Variants in MSH4 observed in about 807,000 individuals in gnomAD.
The protein encoded by MSH4 is mutS protein homolog 4.
MSH4 carries 106 observed loss-of-function variants against 113.7 expected under a neutral mutation model. The ratio of observed to expected loss-of-function variants is 0.93; its 90% confidence interval spans 0.80 to 1.10. MSH4 has a LOEUF of 1.10. Among genes scored for constraint, MSH4 ranks in the 50% least tolerant of loss-of-function variants. The pLI is 0.00. For missense variants in MSH4, 1,061 were observed against 1,093.7 expected, an observed-to-expected ratio of 0.97 and a Z score of 0.42; for synonymous variants, 368 against 380.2, an observed-to-expected ratio of 0.97 and a Z score of 0.37.
chr1:75,893,752 A>T (rs1652312843), intron 17 of MSH4, among the ~76,000 whole-genome samples: 1 of 152,144 alleles, frequency 6.6e-6, no homozygotes, highest in African/African-American at 2.4e-5. Flanking sequence ...CATGCATGGG[A>T]ATGTATTCTA....
rs149579183 is a variant in MSH4 at position 75,910,810 on chromosome 1, C to T, written c.2620-1886C>T. 6.5e-3 allele frequency among the ~76,000 whole-genome samples: 983 copies of T among 152,126 alleles called. 12 individuals carry two copies. The highest frequency in any genetic ancestry group is 0.022 in the African/African-American group (932 of 41,496). On this transcript the variant is annotated intron_variant, in intron 19 of 19. Transcript: ENST00000263187. ...CATCTTCTAAAAAAAACTCTTATCT[C>T]TTCACCTTTAAGTCTCCCAGTGACT...
At chr1:75,840,881 A>G (rs980521441) in intron 7 of MSH4, among the ~76,000 whole-genome samples, 10 of 152,178 alleles carry the variant, frequency 6.6e-5, no homozygotes, top group Non-Finnish European at 8.8e-5. Flanking sequence ...ACATGCAATA[A>G]CAATTGAGTA....
intron 8 of MSH4, among the ~76,000 whole-genome samples, chr1:75,858,602 C>T (rs1301705071): frequency 6.6e-6 from 1 of 152,176 alleles, no homozygotes; most frequent in Non-Finnish European, 1.5e-5. Flanking sequence ...AGACTCGCAT[C>T]CCAGGGATGA....
intron 8 of MSH4, among the ~76,000 whole-genome samples, chr1:75,858,052 AT>A (rs946027876): frequency 3.3e-5 from 5 of 152,128 alleles, no homozygotes; most frequent in Admixed American, 6.5e-5. Context: ...TTCACTCATG[AT>A]TTGGCTCTCT....
At chr1:75,858,436 T>C (rs1651373978) in intron 8 of MSH4, among the ~76,000 whole-genome samples, 1 of 152,222 alleles carries the variant, frequency 6.6e-6, no homozygotes, top group African/African-American at 2.4e-5. Context: ...TTGAGATACA[T>C]TCCATTGATA....
intron 13 of MSH4, among the ~76,000 whole-genome samples, chr1:75,880,359 T>G (rs952928013): frequency 6.6e-6 from 1 of 152,142 alleles, no homozygotes; most frequent in Non-Finnish European, 1.5e-5. Context: ...ACTTTTATAA[T>G]TGATATTTCT....
chr1:75,879,071 G>A lies in MSH4; in HGVS notation c.1620G>A (p.Gln540=), dbSNP rs146041457. ...SFSSARGFFI[Q]MTTDCIALPS... is the part of the protein sequence containing the mutation. ...GCTCTGCTCGAGGATTTTTCATCCAGATGACTACAGATTGTATAGCCCTAC... is the reference window on the plus strand; with the variant it reads ...GCTCTGCTCGAGGATTTTTCATCCAAATGACTACAGATTGTATAGCCCTAC... Residue 540 remains glutamine, a synonymous_variant, in exon 12 of 20, where the codon CAG becomes CAA. Transcript: ENST00000263187. 2 of 1,611,432 alleles carry A rather than the reference G, an allele frequency of 1.2e-6. No homozygotes were observed. The highest frequency in any genetic ancestry group is 1.7e-6 in the Non-Finnish European group (2 of 1,177,806).
chr1:75,847,639 C>T (rs1390974384), intron 7 of MSH4, among the ~76,000 whole-genome samples: 2 of 152,132 alleles, frequency 1.3e-5, no homozygotes, highest in African/African-American at 4.8e-5. Flanking sequence ...TCTACTCAGC[C>T]TCTGGTCAGG....
chr1:75,860,265 T>A (rs559560567), intron 8 of MSH4, among the ~76,000 whole-genome samples: 1 of 152,322 alleles, frequency 6.6e-6, no homozygotes, highest in East Asian at 1.9e-4. Context: ...CATTTACATT[T>A]AAGGTTAATA....
chr1:75,869,613 T>G (rs1651667590), intron 9 of MSH4, among the ~76,000 whole-genome samples: 1 of 152,162 alleles, frequency 6.6e-6, no homozygotes, highest in Non-Finnish European at 1.5e-5. Context: ...TGGCTAAAAG[T>G]GGCCAACACA....
intron 8 of MSH4, among the ~76,000 whole-genome samples, chr1:75,850,803 G>T (rs182058391): frequency 2.6e-4 from 39 of 152,126 alleles, no homozygotes; most frequent in African/African-American, 9.4e-4. Flanking sequence ...TGTAATTGTG[G>T]ATTTGTCTAT....
chr1:75,797,831 A>G (rs1649852452), intron 1 of MSH4, among the ~76,000 whole-genome samples: 1 of 152,136 alleles, frequency 6.6e-6, no homozygotes, highest in Non-Finnish European at 1.5e-5. Flanking sequence ...CTGTGGTCCC[A>G]GCTACTCAGG....
At chr1:75,831,019 A>T (rs1399056544) in intron 7 of MSH4, among the ~76,000 whole-genome samples, 1 of 152,232 alleles carries the variant, frequency 6.6e-6, no homozygotes, top group Non-Finnish European at 1.5e-5. Flanking sequence ...GTCAAGACCC[A>T]TCAATGTGCT....
At chr1:75,844,437 C>T (rs992892838) in intron 7 of MSH4, among the ~76,000 whole-genome samples, 1 of 152,132 alleles carries the variant, frequency 6.6e-6, no homozygotes, top group Non-Finnish European at 1.5e-5. Flanking sequence ...AGCCATCCTC[C>T]CACCTCAGCC....
intron 19 of MSH4, among the ~76,000 whole-genome samples, chr1:75,907,350 G>A (rs1196826772): frequency 1.3e-5 from 2 of 151,834 alleles, no homozygotes; most frequent in Non-Finnish European, 2.9e-5. Flanking sequence ...GATCTATATG[G>A]TTTTTGTTGA....
At chr1:75,822,108 C>A (rs202205916) in intron 6 of MSH4, among the ~76,000 whole-genome samples, 1 of 151,852 alleles carries the variant, frequency 6.6e-6, no homozygotes, top group South Asian at 2.1e-4. Context: ...GGTGAAACCC[C>A]GTCTCTACTA....
intron 8 of MSH4, among the ~76,000 whole-genome samples, chr1:75,866,880 T>C (rs1266118168): frequency 6.6e-6 from 1 of 152,124 alleles, no homozygotes; most frequent in Non-Finnish European, 1.5e-5. Flanking sequence ...GTCCTAAAAC[T>C]CTACTTCATC....
chr1:75,803,855 T>C lies in MSH4; in HGVS notation c.369T>C (p.Ser123=), dbSNP rs1557488385. ...NYPQTLKTPL[S]TGNPQRSGYK... ...CTCAAACACTTAAAACTCCATTGTCTACTGGAAATCCTCAGAGATCAGGTT... is the reference window on the plus strand; with the variant it reads ...CTCAAACACTTAAAACTCCATTGTCCACTGGAAATCCTCAGAGATCAGGTT... The change falls in exon 2 of 20, where the codon TCT becomes TCC. Residue 123 remains serine (S), a synonymous_variant. Coordinates refer to ENST00000263187, the MANE Select transcript of MSH4 (RefSeq NM_002440.4). 2.5e-6 allele frequency: 4 copies of C among 1,598,212 alleles called. No homozygotes were observed. Among genetic ancestry groups the C allele is most frequent in the Non-Finnish European group, 2.6e-6 (3 of 1,173,018 alleles).
chr1:75,878,211 G>A lies in MSH4; in HGVS notation c.1433G>A (p.Gly478Glu), dbSNP rs770679911. ...VINDDARYMKGCLNMRTQKCY... is the reference protein window; with the variant it reads ...VINDDARYMKECLNMRTQKCY... ...AATGATGATGCAAGATACATGAAAGGATGCCTAAACATGAGGACTCAGAAG... is the reference window on the plus strand; with the variant it reads ...AATGATGATGCAAGATACATGAAAGAATGCCTAAACATGAGGACTCAGAAG... The change falls in exon 11 of 20, where the codon GGA becomes GAA. Residue 478 changes from glycine (G) to glutamate (E), a missense_variant. Coordinates refer to ENST00000263187, the MANE Select transcript of MSH4 (RefSeq NM_002440.4). 1.2e-6 allele frequency: 2 copies of A among 1,609,816 alleles called. No individual in the cohort carries two copies. The highest frequency in any genetic ancestry group is 1.7e-6 in the Non-Finnish European group (2 of 1,178,452).
Sources: gnomAD v4.1 joint callset for allele counts (sites outside exome capture counted in the v4.1 genomes callset) on GRCh38, gnomAD v4.1.1 for gene constraint, MANE v1.5 for transcripts, NCBI Gene and HGNC (gene_info 2026-07-23, HGNC 2026-07-21) for gene names.